RBMS2: variants seen among roughly 807,000 people sequenced by gnomAD.
The protein encoded by RBMS2 is RNA binding motif single stranded interacting protein 2.
RBMS2 carries 38 observed loss-of-function variants against 58.4 expected under a neutral mutation model. That is an observed-to-expected ratio of 0.65 (90% confidence interval 0.50 to 0.85). The LOEUF (loss-of-function observed/expected upper bound fraction) is 0.85, where lower values mean the gene tolerates loss of function less well. Ranked by LOEUF, RBMS2 falls within the 40% of genes least tolerant of loss-of-function variation. The pLI, the probability that RBMS2 is intolerant of heterozygous loss-of-function variation, is 0.00. For missense variants in RBMS2, 367 were observed against 503.7 expected, an observed-to-expected ratio of 0.73 and a Z score of 2.60; for synonymous variants, 151 against 180.7, an observed-to-expected ratio of 0.84 and a Z score of 1.32.
At chr12:56,548,081 C>T (rs767232584) in intron 1 of RBMS2, among the ~76,000 whole-genome samples, 7 of 152,100 alleles carry the variant, frequency 4.6e-5, no homozygotes, top group South Asian at 4.1e-4. Flanking sequence ...TTATGAAATA[C>T]GTCACTCATA....
rs1457917883 is a variant in RBMS2 at position 56,538,330 on chromosome 12, G to A, written c.66+16241G>A. On this transcript the variant is annotated intron_variant, in intron 1 of 13. Coordinates refer to ENST00000262031, the MANE Select transcript of RBMS2 (RefSeq NM_002898.4). Reference sequence around the variant, plus strand: ...ATTACAGGCATGAGCCACCACACCCGGCCCATCTTTGGGATTTTGATAGGG... The same window carrying A: ...ATTACAGGCATGAGCCACCACACCCAGCCCATCTTTGGGATTTTGATAGGG... Among the ~76,000 whole-genome samples, 5 of 151,864 alleles carry A rather than the reference G, an allele frequency of 3.3e-5. No homozygotes were observed. The South Asian group carries it at 6.2e-4, about 19-fold the overall frequency.
rs750139812 is a variant in RBMS2 at position 56,569,021 on chromosome 12, A to G, written c.280A>G (p.Asn94Asp). The G allele has an allele frequency of 2.5e-6, 4 of 1,612,772 alleles. No homozygotes were observed. In the Admixed American group the frequency reaches 5.0e-5, roughly 20 times the overall value. ...TAAGGCCATACTGGACAAGACCACA[A>G]ACAAATGTAAAGGTGAGAGAACAAC... ...STKAILDKTT[N>D]KCKGYGFVDF... The change falls in exon 3 of 14, where the codon AAC becomes GAC. Residue 94 changes from asparagine to aspartate, a missense_variant. Asn to Asp is a conservative substitution (Grantham distance 23). Coordinates refer to ENST00000262031, the MANE Select transcript of RBMS2 (RefSeq NM_002898.4).
intron 1 of RBMS2, among the ~76,000 whole-genome samples, chr12:56,547,653 T>C (rs941381985): frequency 5.2e-5 from 3 of 57,710 alleles, no homozygotes; most frequent in African/African-American, 1.0e-4. Flanking sequence ...TTTTCTTTTC[T>C]TTTTTTTTTT....
intron 1 of RBMS2, among the ~76,000 whole-genome samples, chr12:56,553,478 C>A (rs1212207514): frequency 6.6e-6 from 1 of 151,952 alleles, no homozygotes; most frequent in Non-Finnish European, 1.5e-5. Flanking sequence ...TAGGCGCACA[C>A]CACCAAGTCC....
At chr12:56,567,616 T>A (rs1020351520) in intron 2 of RBMS2, among the ~76,000 whole-genome samples, 5 of 152,016 alleles carry the variant, frequency 3.3e-5, no homozygotes, top group African/African-American at 1.2e-4. Context: ...GCAGCAGGAC[T>A]GCTTGAGGCC....
rs1881997104 is a variant in RBMS2 at position 56,569,888 on chromosome 12, C to T, written c.293-11C>T. 1.2e-6 allele frequency: 2 copies of T among 1,606,912 alleles called. No individual in the cohort carries two copies. Among genetic ancestry groups the T allele is most frequent in the Non-Finnish European group, 1.7e-6 (2 of 1,173,556 alleles). Reference sequence around the variant, plus strand: ...TCCCACTTCCTAGTGATGCTGTTTCCTCTGTTCCAGGCTATGGCTTTGTAG... The same window carrying T: ...TCCCACTTCCTAGTGATGCTGTTTCTTCTGTTCCAGGCTATGGCTTTGTAG... On this transcript the variant is annotated splice_polypyrimidine_tract_variant and intron_variant, in intron 3 of 13. Coordinates refer to ENST00000262031, the MANE Select transcript of RBMS2 (RefSeq NM_002898.4).
intron 1 of RBMS2, among the ~76,000 whole-genome samples, chr12:56,534,518 T>C (rs1230858005): frequency 6.6e-6 from 1 of 152,248 alleles, no homozygotes; most frequent in Non-Finnish European, 1.5e-5. Context: ...TTTCCATTTT[T>C]TGATAATGTC....
At chr12:56,565,377 T>A (rs186824039) in intron 2 of RBMS2, among the ~76,000 whole-genome samples, 1 of 152,190 alleles carries the variant, frequency 6.6e-6, no homozygotes, top group Non-Finnish European at 1.5e-5. Context: ...TAGTTTTTTT[T>A]CCCTGAACCT....
intron 6 of RBMS2, 47 bp from the exon 7 acceptor site, chr12:56,581,352 C>A: frequency 1.3e-6 from 2 of 1,599,724 alleles, no homozygotes; most frequent in Non-Finnish European, 1.7e-6. Context: ...TGTGCCTGGG[C>A]CACATGAGGT....
intron 1 of RBMS2, among the ~76,000 whole-genome samples, chr12:56,544,565 T>A (rs1876778522): frequency 6.6e-6 from 1 of 152,042 alleles, no homozygotes; most frequent in Admixed American, 6.6e-5. Flanking sequence ...GTGGTTGGAA[T>A]GTCTTCTTCT....
At chr12:56,570,084 A>T in intron 4 of RBMS2, 94 bp downstream of exon 4, 1 of 1,170,360 alleles carries the variant, frequency 8.5e-7, no homozygotes. Flanking sequence ...AAGAACCATG[A>T]AATTGAGTGG....
chr12:56,549,865 T>C (rs1298126933), intron 1 of RBMS2, among the ~76,000 whole-genome samples: 1 of 151,850 alleles, frequency 6.6e-6, no homozygotes, highest in Non-Finnish European at 1.5e-5. Flanking sequence ...CCGTCTCTAC[T>C]AAAAATACAA....
chr12:56,554,944 G>A lies in RBMS2; in HGVS notation c.67-7473G>A, dbSNP rs373459534. Among the ~76,000 whole-genome samples the A allele has an allele frequency of 2.6e-5, 4 of 151,798 alleles. No individual in the cohort carries two copies. In the East Asian group the frequency reaches 5.8e-4, roughly 22 times the overall value. ...ATGTAACCAGTTTTCTCATTGATGA[G>A]TATATGCTTTTTCAGTATTTTACTA... is the stretch of plus-strand genomic sequence containing the variant. On this transcript the variant is annotated intron_variant, in intron 1 of 13. Transcript: ENST00000262031.
At chr12:56,521,502 GT>G (rs68129205), upstream of RBMS2, among the ~76,000 whole-genome samples, 19,960 of 72,306 alleles carry the variant, frequency 0.28, 744 homozygotes, top group Non-Finnish European at 0.34. Flanking sequence ...CTCTAACTCT[GT>G]TTTTTTTTTT....
At chr12:56,549,548 T>C (rs754543052) in intron 1 of RBMS2, among the ~76,000 whole-genome samples, 5 of 152,090 alleles carry the variant, frequency 3.3e-5, no homozygotes, top group African/African-American at 7.2e-5. Flanking sequence ...ACAGGGGAAT[T>C]CGATTTTTCT....
intron 1 of RBMS2, among the ~76,000 whole-genome samples, chr12:56,541,972 CAT>C: frequency 6.6e-6 from 1 of 152,226 alleles, no homozygotes; most frequent in East Asian, 1.9e-4. Flanking sequence ...ATAAAATAAA[CAT>C]AAAAAATTTT....
chr12:56,570,390 ATGT>A (rs1026370608), intron 4 of RBMS2, among the ~76,000 whole-genome samples: 1 of 152,024 alleles, frequency 6.6e-6, no homozygotes, highest in Non-Finnish European at 1.5e-5. Context: ...CCACCTCCTA[ATGT>A]TGTTCCCCAT....
At chr12:56,551,792 A>T (rs918245261) in intron 1 of RBMS2, among the ~76,000 whole-genome samples, 24 of 152,232 alleles carry the variant, frequency 1.6e-4, no homozygotes, top group African/African-American at 4.8e-4. Context: ...CTTAGTAAAC[A>T]TTTGAGTACT....
At chr12:56,549,820 G>T (rs955248915) in intron 1 of RBMS2, among the ~76,000 whole-genome samples, 2 of 151,944 alleles carry the variant, frequency 1.3e-5, no homozygotes, top group East Asian at 3.9e-4. Flanking sequence ...CTGAGGTCAG[G>T]AGTTCGAGAC....
Sources: gnomAD v4.1 joint callset for allele counts (sites outside exome capture counted in the v4.1 genomes callset) on GRCh38, gnomAD v4.1.1 for gene constraint, MANE v1.5 for transcripts, NCBI Gene and HGNC (gene_info 2026-07-23, HGNC 2026-07-21) for gene names.